CASP14: variants seen among roughly 807,000 people sequenced by gnomAD.
The protein encoded by CASP14 is caspase-14.
In CASP14, 27 loss-of-function variants were observed where a neutral mutation model predicts 28.4. That is an observed-to-expected ratio of 0.95 (90% CI 0.70 to 1.31). The LOEUF (loss-of-function observed/expected upper bound fraction) is 1.31. Ranked by LOEUF, CASP14 falls within the 50% of genes most tolerant of loss-of-function variation. The pLI is 0.00. For synonymous variants in CASP14, 115 were observed against 118.6 expected, an observed-to-expected ratio of 0.97 and a Z score of 0.20; for missense variants, 323 against 312.8, an observed-to-expected ratio of 1.03 and a Z score of -0.25.
At chr19:15,054,431 T>C (rs2046106239) in intron 4 of CASP14, among the ~76,000 whole-genome samples, 1 of 152,078 alleles carries the variant, frequency 6.6e-6, no homozygotes, top group Non-Finnish European at 1.5e-5. Context: ...ATATTAAAGA[T>C]TAGCCAAGGG....
At chr19:15,049,669 CCT>C (rs57707199) in intron 1 of CASP14, 24 bp downstream of exon 1, 9,628 of 126,364 alleles carry the variant, frequency 0.076, 484 homozygotes, top group Admixed American at 0.16. Context: ...TGGATATTAG[CCT>C]CTCTCTCTCT....
At position 15,053,788 on chromosome 19, in the gene CASP14, C is replaced by T. The variant is rs1261476183; in HGVS notation, c.233C>T (p.Pro78Leu). The T allele has an allele frequency of 1.2e-6, 2 of 1,614,080 alleles. No individual in the cohort carries two copies. Among genetic ancestry groups the T allele is most frequent in the Non-Finnish European group, 1.7e-6 (2 of 1,180,006 alleles). Residue 78 changes from proline (P) to leucine (L), a missense_variant, in exon 4 of 7, where the codon CCC (proline) becomes CTC (leucine). Transcript: ENST00000427043. ...CAGGCCATCGATTCCCGGGAAGATC[C>T]CGTCAGTTGTGCCTTCGTGGTACTC... ...FQQAIDSRED[P>L]VSCAFVVLMA... is the part of the protein sequence containing the mutation.
chr19:15,050,211 C>A (rs1232341066), intron 1 of CASP14, among the ~76,000 whole-genome samples: 2 of 152,044 alleles, frequency 1.3e-5, no homozygotes, highest in East Asian at 3.9e-4. Flanking sequence ...GGGACTGAGG[C>A]AGGATTCGGT....
intron 1 of CASP14, 38 bp from the exon 2 acceptor site, chr19:15,052,168 C>A: frequency 6.7e-7 from 1 of 1,487,784 alleles, no homozygotes; most frequent in Non-Finnish European, 9.0e-7. Context: ...CTCGGCCTCC[C>A]TTTAGAGAAC....
intron 1 of CASP14, among the ~76,000 whole-genome samples, chr19:15,051,930 G>C (rs112016816): frequency 3.7e-4 from 56 of 152,160 alleles, no homozygotes; most frequent in African/African-American, 1.2e-3. Flanking sequence ...GGAGACACAG[G>C]AAGTTTTTGG....
At chr19:15,054,011 T>G (rs549791392) in intron 4 of CASP14, 53 bp downstream of exon 4, 3 of 1,471,796 alleles carry the variant, frequency 2.0e-6, no homozygotes, top group Non-Finnish European at 2.8e-6. Flanking sequence ...TCTGTTTTGT[T>G]TTTTGAGACA....
At chr19:15,049,887 T>G (rs2046081699) in intron 1 of CASP14, among the ~76,000 whole-genome samples, 1 of 152,102 alleles carries the variant, frequency 6.6e-6, no homozygotes. Context: ...ACACCACCTC[T>G]GTGCTCCCTG....
chr19:15,056,226 T>G lies in CASP14; in HGVS notation c.*137T>G. The G allele has an allele frequency of 1.5e-6, 1 of 656,538 alleles. No individual in the cohort carries two copies. The highest frequency in any genetic ancestry group is 3.1e-5 in the East Asian group (1 of 32,458). 40.7% of individuals were successfully genotyped at this position (656,538 alleles called of 1,614,324 possible). A position where few individuals can be genotyped will look rare whatever the true frequency, so the allele number is the denominator to read the frequency against. On this transcript the variant is annotated 3_prime_UTR_variant, in exon 7 of 7. Coordinates refer to ENST00000427043, the MANE Select transcript of CASP14 (RefSeq NM_012114.3). The stretch of plus-strand genomic sequence containing the variant: ...CCCAGTTTCTTTTCCATCACACCCT[T>G]CATGCAGGTCCTCCTGTCCTTATTA...
At chr19:15,054,134 G>A (rs1452481228) in intron 4 of CASP14, among the ~76,000 whole-genome samples, 176 bp downstream of exon 4, 8 of 151,838 alleles carry the variant, frequency 5.3e-5, no homozygotes, top group Non-Finnish European at 1.0e-4. Flanking sequence ...ACAGGCTCCC[G>A]CCACTATGTC....
At chr19:15,051,705 G>T (rs529617105) in intron 1 of CASP14, among the ~76,000 whole-genome samples, 1 of 152,028 alleles carries the variant, frequency 6.6e-6, no homozygotes, top group Non-Finnish European at 1.5e-5. Flanking sequence ...TGACCCCTTC[G>T]TATTGGAGAC....
rs117721788 is a variant in CASP14, at chr19:15,055,882, C to T, written c.625-103C>T. The T allele has an allele frequency of 5.4e-3, 4,411 of 823,828 alleles. 22 individuals carry two copies. The highest frequency in any genetic ancestry group is 6.8e-3 in the Non-Finnish European group (3,405 of 498,860). The allele number at this position is 823,828 out of a possible 1,614,324, so 51.0% of individuals were successfully genotyped here. On this transcript the variant is annotated intron_variant, in intron 6 of 6. Coordinates refer to ENST00000427043, the MANE Select transcript of CASP14 (RefSeq NM_012114.3). Reference sequence around the variant, plus strand: ...TGGTATAGGAAGAGGCCACAACGGTCTCTCATCTTAGGACAAGAATACCCA... The same window carrying T: ...TGGTATAGGAAGAGGCCACAACGGTTTCTCATCTTAGGACAAGAATACCCA...
rs752254169 is a variant in CASP14 at position 15,053,935 on chromosome 19, A to G, written c.380A>G (p.Tyr127Cys). ...CQALRAKPKV[Y>C]IIQACRGEQR... ...GCCCTGCGAGCTAAGCCCAAGGTGT[A>G]CATCATACAGGCCTGTCGAGGAGGT... The change falls in exon 4 of 7, where the codon TAC becomes TGC. Residue 127 changes from tyrosine (Y) to cysteine (C), a missense_variant. Tyr to Cys is a radical substitution (Grantham distance 194). Transcript: ENST00000427043. 1 of 1,613,838 alleles carries G rather than the reference A, an allele frequency of 6.2e-7. No individual in the cohort carries two copies. Among genetic ancestry groups the G allele is most frequent in the Non-Finnish European group, 8.5e-7 (1 of 1,179,994 alleles).
intron 4 of CASP14, chr19:15,054,933 G>A: frequency 4.0e-6 from 2 of 499,428 alleles, no homozygotes; most frequent in Non-Finnish European, 7.3e-6. Context: ...GAGCCACCGT[G>A]CCCAGCCCTT....
Position 15,057,856 on chromosome 19 carries a change from C to G in CASP14, c.*1767C>G. On this transcript the variant is annotated 3_prime_UTR_variant, in exon 7 of 7. Transcript: ENST00000427043. ...GGAGCTATGATCATGCCAGTGCATC[C>G]CAGCTCTAGGTGAGACAGTGAGATC... is the stretch of plus-strand genomic sequence containing the variant. The G allele has an allele frequency of 6.6e-6, 1 of 152,222 alleles. No homozygotes were observed. The highest frequency in any genetic ancestry group is 1.5e-5 in the Non-Finnish European group (1 of 68,084). 9.4% of individuals were successfully genotyped at this position (152,222 alleles called of 1,614,324 possible).
chr19:15,055,024 C>T, intron 4 of CASP14, 134 bp from the exon 5 acceptor site: 3 of 686,782 alleles, frequency 4.4e-6, no homozygotes, highest in Non-Finnish European at 7.9e-6. Flanking sequence ...ACTGCAGCCT[C>T]AAGCTCCCAG....
chr19:15,051,927 C>T (rs1302642813), intron 1 of CASP14, among the ~76,000 whole-genome samples: 2 of 151,956 alleles, frequency 1.3e-5, no homozygotes, highest in East Asian at 3.9e-4. Context: ...ACGGGAGACA[C>T]AGGAAGTTTT....
chr19:15,054,342 C>T (rs1348889565), intron 4 of CASP14, among the ~76,000 whole-genome samples: 1 of 152,310 alleles, frequency 6.6e-6, no homozygotes, highest in East Asian at 1.9e-4. Context: ...CTTTGGGAGG[C>T]CCAGGCGGGA....
chr19:15,056,282 A>C lies in CASP14; in HGVS notation c.*193A>C. The stretch of plus-strand genomic sequence containing the variant: ...AGCCAGCCAAAACTTAGCACAAGGC[A>C]TGGTGGCAACATTAACATCACCTCC... On this transcript the variant is annotated 3_prime_UTR_variant, in exon 7 of 7. Transcript: ENST00000427043. 1 of 501,810 alleles carries C rather than the reference A, an allele frequency of 2.0e-6. No individual in the cohort carries two copies. The highest frequency in any genetic ancestry group is 3.7e-6 in the Non-Finnish European group (1 of 268,226). 31.1% of individuals were successfully genotyped at this position (501,810 alleles called of 1,614,324 possible).
In CASP14 at chr19:15,056,192, C is replaced by A; in HGVS notation, c.*103C>A. On this transcript the variant is annotated 3_prime_UTR_variant, in exon 7 of 7. Coordinates refer to ENST00000427043, the MANE Select transcript of CASP14 (RefSeq NM_012114.3). ...CCCCAAGATCTTCTGTTCCCAAGGC[C>A]AAATGGCACCCAGTTTCTTTTCCAT... The A allele has an allele frequency of 1.2e-6, 1 of 869,144 alleles. No homozygotes were observed. Among genetic ancestry groups the A allele is most frequent in the Non-Finnish European group, 1.8e-6 (1 of 545,542 alleles). The allele number at this position is 869,144 out of a possible 1,614,324, so 53.8% of individuals were successfully genotyped here.
Sources: allele counts gnomAD v4.1 joint callset (sites outside exome capture counted in the v4.1 genomes callset), GRCh38; gene constraint gnomAD v4.1.1; transcripts MANE v1.5; gene names NCBI Gene and HGNC (gene_info 2026-07-23, HGNC 2026-07-21).